Variants in RREB1 observed in about 807,000 individuals in gnomAD.
The protein encoded by RREB1 is ras-responsive element-binding protein 1.
Under a neutral mutation model 117.8 loss-of-function variants are expected in RREB1, and 27 were observed. The observed-to-expected ratio is 0.23, with a 90% CI of 0.17 to 0.32. RREB1 has a LOEUF of 0.32. Among genes scored for constraint, RREB1 ranks in the 10% least tolerant of loss-of-function variants. RREB1 has a pLI of 1.00. For missense variants in RREB1, 2,577 were observed against 2,378.2 expected, an observed-to-expected ratio of 1.08 and a Z score of -1.74; for synonymous variants, 1,298 against 1,026.7, an observed-to-expected ratio of 1.26 and a Z score of -5.05.
In RREB1 at chr6:7,151,372, G is replaced by C. The variant is rs147122219; in HGVS notation, c.-284-25283G>C. ...CAGGATTTCAAGATTTCAAGGAAAA[G>C]TGGACAATGCCTGCTTTTATCTAAG... is the stretch of plus-strand genomic sequence containing the variant. On this transcript the variant is annotated intron_variant, in intron 1 of 12. Coordinates refer to ENST00000379938, the MANE Select transcript of RREB1 (RefSeq NM_001003699.4). Among the ~76,000 whole-genome samples, 21 of 152,284 alleles carry C rather than the reference G, an allele frequency of 1.4e-4. No homozygotes were observed. In the East Asian group the frequency reaches 3.3e-3, roughly 24 times the overall value.
rs148672397 is a variant in RREB1 at position 7,158,178 on chromosome 6, G to A, written c.-284-18477G>A. 2.0e-5 allele frequency among the ~76,000 whole-genome samples: 3 copies of A among 152,122 alleles called. No individual in the cohort carries two copies. The East Asian group carries it at 5.8e-4, about 29-fold the overall frequency. Reference sequence around the variant, plus strand: ...CTAACAATCTAAAACTTCTTCCCAAGCACCATTTAGTGCCCCAGGACACTT... The same window carrying A: ...CTAACAATCTAAAACTTCTTCCCAAACACCATTTAGTGCCCCAGGACACTT... On this transcript the variant is annotated intron_variant, in intron 1 of 12. Coordinates refer to ENST00000379938, the MANE Select transcript of RREB1 (RefSeq NM_001003699.4).
In RREB1 at chr6:7,182,144, G is replaced by A; in HGVS notation, c.171+62G>A. 4 of 1,357,626 alleles carry A rather than the reference G, an allele frequency of 2.9e-6. No individual in the cohort carries two copies. The South Asian group carries it at 3.8e-5, about 13-fold the overall frequency. The allele number at this position is 1,357,626 out of a possible 1,614,324, so 84.1% of individuals were successfully genotyped here. ...TCAATCCATGAGAACATTGGGAGAT[G>A]TTTCCGAGTTTCCTATGATAAAACC... On this transcript the variant is annotated intron_variant, in intron 4 of 12. Coordinates refer to ENST00000379938, the MANE Select transcript of RREB1 (RefSeq NM_001003699.4).
rs1195070222 is a variant in RREB1, at chr6:7,246,955, A to C, written c.4505A>C (p.Glu1502Ala). Residue 1502 changes from glutamate to alanine, a missense_variant, in exon 12 of 13, where the codon GAG becomes GCG. Physicochemically the swap from Glu to Ala is moderately radical, Grantham distance 107 (BLOSUM62 -1). Coordinates refer to ENST00000379938, the MANE Select transcript of RREB1 (RefSeq NM_001003699.4). ...PAPEQEEKPPETPAEVVESAP... is the reference protein window; with the variant it reads ...PAPEQEEKPPATPAEVVESAP... ...CCTGAACAGGAGGAGAAGCCCCCCG[A>C]GACCCCGGCAGAGGTGGTGGAGTCG... is the stretch of plus-strand genomic sequence containing the variant. 2 of 1,564,740 alleles carry C rather than the reference A, an allele frequency of 1.3e-6. No individual in the cohort carries two copies. The highest frequency in any genetic ancestry group is 1.7e-6 in the Non-Finnish European group (2 of 1,156,246).
At position 7,226,468 on chromosome 6, in the gene RREB1, T is replaced by C; in HGVS notation, c.709T>C (p.Cys237Arg). 6.2e-7 allele frequency: 1 copy of C among 1,609,908 alleles called. No homozygotes were observed. The highest frequency in any genetic ancestry group is 8.5e-7 in the Non-Finnish European group (1 of 1,177,520). ...TATGTTCTCCCTTTCCTCTCCTAGATGTGACATTTGTTGTGTCACCTTTCG... is the reference window on the plus strand; with the variant it reads ...TATGTTCTCCCTTTCCTCTCCTAGACGTGACATTTGTTGTGTCACCTTTCG... ...METHSDNPLR[C>R]DICCVTFRTH... The change falls in exon 9 of 13, where the codon TGT becomes CGT. Residue 237 changes from cysteine to arginine, a missense_variant and splice_region_variant. Cys to Arg is a radical substitution (Grantham distance 180). Transcript: ENST00000379938.
In RREB1 at chr6:7,124,914, C is replaced by T. The variant is rs182343673; in HGVS notation, c.-285+16854C>T. Among the ~76,000 whole-genome samples the T allele has an allele frequency of 9.8e-5, 15 of 152,288 alleles. No homozygotes were observed. The East Asian group carries it at 1.7e-3, about 18-fold the overall frequency. ...TGTGACTCTGAGCTGTGCTTCTGAC[C>T]TCTGGCAGACTACCTGTCATAGAGA... On this transcript the variant is annotated intron_variant, in intron 1 of 12. Coordinates refer to ENST00000379938, the MANE Select transcript of RREB1 (RefSeq NM_001003699.4).
intron 1 of RREB1, among the ~76,000 whole-genome samples, chr6:7,137,320 A>G (rs1314768447): frequency 6.6e-6 from 1 of 152,178 alleles, no homozygotes; most frequent in Admixed American, 6.5e-5. Context: ...GAGGCAGGGA[A>G]TAGAGGGTTG....
chr6:7,153,110 T>G (rs1763194386), intron 1 of RREB1, among the ~76,000 whole-genome samples: 1 of 151,364 alleles, frequency 6.6e-6, no homozygotes, highest in African/African-American at 2.4e-5. Context: ...AGAGGGTTTT[T>G]TTTTTTTTTT....
At chr6:7,131,935 T>G (rs1291863879) in intron 1 of RREB1, among the ~76,000 whole-genome samples, 1 of 152,080 alleles carries the variant, frequency 6.6e-6, no homozygotes, top group Non-Finnish European at 1.5e-5. Flanking sequence ...CTTGGCTCAC[T>G]GCGACCTTCA....
intron 1 of RREB1, among the ~76,000 whole-genome samples, chr6:7,122,762 A>G (rs768450002): frequency 7.2e-5 from 11 of 152,230 alleles, no homozygotes; most frequent in Non-Finnish European, 1.5e-4. Flanking sequence ...CTTTCACTTC[A>G]GTGTGACCTA....
chr6:7,248,750 C>T lies in RREB1; in HGVS notation c.5011C>T (p.Arg1671Trp), dbSNP rs372020216. 77 of 1,613,964 alleles carry T rather than the reference C, an allele frequency of 4.8e-5. No homozygotes were observed. The highest frequency in any genetic ancestry group is 6.1e-5 in the Non-Finnish European group (72 of 1,180,016). Residue 1671 changes from arginine (R) to tryptophan (W), a missense_variant, in exon 13 of 13, where the codon CGG becomes TGG. Transcript: ENST00000379938. ...PNASNHMAVT[R>W]SRKEGLASAT... is the part of the protein sequence containing the mutation. ...TGCCAGCAACCACATGGCTGTCACC[C>T]GGAGCCGGAAGGAGGGCTTGGCCAG... is the stretch of plus-strand genomic sequence containing the variant.
At chr6:7,211,079 C>A in intron 7 of RREB1, 131 bp downstream of exon 7, 1 of 897,186 alleles carries the variant, frequency 1.1e-6, no homozygotes, top group Non-Finnish European at 1.7e-6. Flanking sequence ...TTTTCCCATA[C>A]TGTTTCTGTA....
chr6:7,135,354 A>G (rs1003483336), intron 1 of RREB1, among the ~76,000 whole-genome samples: 1 of 152,206 alleles, frequency 6.6e-6, no homozygotes, highest in Non-Finnish European at 1.5e-5. Context: ...TTAGGACCGT[A>G]AATCCAGGGA....
intron 6 of RREB1, among the ~76,000 whole-genome samples, chr6:7,196,943 G>A (rs1765704804): frequency 6.6e-6 from 1 of 152,194 alleles, no homozygotes; most frequent in Non-Finnish European, 1.5e-5. Context: ...TGTGGATCCA[G>A]CTTTTAACTT....
At chr6:7,109,323 C>T (rs956022117) in intron 1 of RREB1, among the ~76,000 whole-genome samples, 1 of 152,028 alleles carries the variant, frequency 6.6e-6, no homozygotes, top group African/African-American at 2.4e-5. Context: ...CTCGCGGTCT[C>T]TTAGGAAACT....
chr6:7,235,093 T>G (rs1446087753), intron 10 of RREB1, among the ~76,000 whole-genome samples: 1 of 152,262 alleles, frequency 6.6e-6, no homozygotes, highest in Admixed American at 6.5e-5. Context: ...TGTATGAAGG[T>G]TGGTGCCCAT....
At chr6:7,141,099 C>T (rs1224382839) in intron 1 of RREB1, among the ~76,000 whole-genome samples, 1 of 152,214 alleles carries the variant, frequency 6.6e-6, no homozygotes, top group Middle Eastern at 3.2e-3. Flanking sequence ...CAGCCGACTG[C>T]CCGCGTCAGG....
intron 8 of RREB1, 84 bp downstream of exon 8, chr6:7,211,793 C>A (rs557036205): frequency 7.1e-7 from 1 of 1,406,598 alleles, no homozygotes; most frequent in South Asian, 1.2e-5. Context: ...TACTCCACAC[C>A]GGGCTCCAGT....
chr6:7,196,514 A>G (rs1184712955), intron 6 of RREB1, among the ~76,000 whole-genome samples: 1 of 152,132 alleles, frequency 6.6e-6, no homozygotes, highest in African/African-American at 2.4e-5. Flanking sequence ...TGAAGGTAGC[A>G]TATTAAATTA....
rs1280398551 is a variant in RREB1, at chr6:7,246,431, G to A, written c.3981G>A (p.Gln1327=). 2.0e-6 allele frequency: 3 copies of A among 1,485,466 alleles called. No homozygotes were observed. The highest frequency in any genetic ancestry group is 2.2e-5 in the Admixed American group (1 of 45,114). The allele number at this position is 1,485,466 out of a possible 1,614,324, so 92.0% of individuals were successfully genotyped here. ...GCTGTGCTTGCCCCACAGACAGTCA[G>A]TCGGATGCGGAGACTGCAGCCGCCG... is the stretch of plus-strand genomic sequence containing the variant. ...DVGSHDSTDS[Q]SDAETAAAAG... Residue 1327 remains glutamine, a synonymous_variant, in exon 12 of 13, where the codon CAG becomes CAA. Coordinates refer to ENST00000379938, the MANE Select transcript of RREB1 (RefSeq NM_001003699.4).
Sources: allele counts gnomAD v4.1 joint callset (sites outside exome capture counted in the v4.1 genomes callset), GRCh38; gene constraint gnomAD v4.1.1; transcripts MANE v1.5; gene names NCBI Gene and HGNC (gene_info 2026-07-23, HGNC 2026-07-21).